The following HTT-AS variants were observed in gnomAD, a reference collection of about 807,000 sequenced individuals.
HTT-AS encodes HTT antisense RNA (head to head).
intron 1 of HTT-AS, among the ~76,000 whole-genome samples, chr4:3,070,403 G>A (rs1232039021): frequency 6.6e-6 from 1 of 151,594 alleles, no homozygotes; most frequent in African/African-American, 2.4e-5. Flanking sequence ...CGATTCTCCT[G>A]CCTCAGCCTC....
chr4:3,072,461 C>T (rs962171401), intron 1 of HTT-AS, among the ~76,000 whole-genome samples: 3 of 152,198 alleles, frequency 2.0e-5, no homozygotes, highest in African/African-American at 7.2e-5. Flanking sequence ...AGAAGCAGGC[C>T]ACCAGGTACA....
At chr4:3,072,841 TG>T (rs1192947111) in intron 1 of HTT-AS, among the ~76,000 whole-genome samples, 2 of 152,234 alleles carry the variant, frequency 1.3e-5, no homozygotes, top group African/African-American at 2.4e-5. Flanking sequence ...TTGGCCAGGC[TG>T]GTCTCGAACT....
intron 1 of HTT-AS, among the ~76,000 whole-genome samples, chr4:3,065,397 T>C (rs907242583): frequency 6.6e-6 from 1 of 151,146 alleles, no homozygotes; most frequent in African/African-American, 2.5e-5. Flanking sequence ...CGCACCACCA[T>C]GCCCGGCTAA....
At chr4:3,068,653 CTT>C (rs563024282) in intron 1 of HTT-AS, among the ~76,000 whole-genome samples, 10 of 139,104 alleles carry the variant, frequency 7.2e-5, no homozygotes, top group African/African-American at 8.2e-5. Context: ...GTGTGTGTAG[CTT>C]TTTTTTTTTT....
chr4:3,061,753 G>A (rs547958378), intron 2 of HTT-AS, among the ~76,000 whole-genome samples: 52 of 150,938 alleles, frequency 3.4e-4, no homozygotes, highest in Non-Finnish European at 5.6e-4. Context: ...AAGCCGAGGC[G>A]GGCAGGTCAC....
intron 2 of HTT-AS, among the ~76,000 whole-genome samples, chr4:3,055,308 A>C (rs1578465389): frequency 6.6e-6 from 1 of 152,024 alleles, no homozygotes; most frequent in African/African-American, 2.4e-5. Context: ...AAAAAAAAAA[A>C]AGTCTCAAAC....
chr4:3,062,060 G>C (rs1009646413), intron 2 of HTT-AS, among the ~76,000 whole-genome samples: 2 of 148,178 alleles, frequency 1.3e-5, no homozygotes, highest in African/African-American at 5.0e-5. Flanking sequence ...GGATGACTTT[G>C]AATGGAATGG....
chr4:3,071,213 G>A (rs956493078), intron 1 of HTT-AS, among the ~76,000 whole-genome samples: 3 of 152,162 alleles, frequency 2.0e-5, no homozygotes, highest in Admixed American at 1.3e-4. Flanking sequence ...CAGCTCAGAC[G>A]GAAGTGTATT....
chr4:3,056,152 C>A (rs1038080723), intron 2 of HTT-AS, among the ~76,000 whole-genome samples: 2 of 152,158 alleles, frequency 1.3e-5, no homozygotes, highest in Admixed American at 1.3e-4. Context: ...TCATTAGAAG[C>A]TTTACTTTGG....
chr4:3,074,285 G>T (rs1302259401), intron 1 of HTT-AS: 1 of 50,072 alleles, frequency 2.0e-5, no homozygotes, highest in Non-Finnish European at 3.7e-5. Context: ...GCCCCGCCCC[G>T]GCCTCGCCAC....
At chr4:3,046,979 C>G (rs1419148038), downstream of HTT-AS, among the ~76,000 whole-genome samples, 1 of 152,150 alleles carries the variant, frequency 6.6e-6, no homozygotes, top group Non-Finnish European at 1.5e-5. Flanking sequence ...AGGGCACAAG[C>G]TGTTCCAGTA....
chr4:3,055,475 T>G (rs1711789721), intron 2 of HTT-AS, among the ~76,000 whole-genome samples: 1 of 152,132 alleles, frequency 6.6e-6, no homozygotes, highest in African/African-American at 2.4e-5. Context: ...CCTATCTCCT[T>G]TGGATTGCGA....
At chr4:3,049,422 TC>T (rs1223734212) in exon 3 of HTT-AS, among the ~76,000 whole-genome samples, 1 of 150,436 alleles carries the variant, frequency 6.6e-6, no homozygotes, top group East Asian at 1.9e-4. Flanking sequence ...AGACTCCATC[TC>T]CAAAAAAGAA....
chr4:3,071,926 T>C (rs1465377529), intron 1 of HTT-AS, among the ~76,000 whole-genome samples: 1 of 152,234 alleles, frequency 6.6e-6, no homozygotes. Flanking sequence ...GATACATTTC[T>C]GTTGTTTAAG....
chr4:3,063,344 CT>C (rs1231712906), exon 2 of HTT-AS: 2 of 152,478 alleles, frequency 1.3e-5, no homozygotes, highest in East Asian at 3.9e-4. Flanking sequence ...TTGCTCAGGG[CT>C]GCCTGGTTCT....
At chr4:3,064,598 A>G (rs1228211091) in intron 1 of HTT-AS, among the ~76,000 whole-genome samples, 3 of 152,368 alleles carry the variant, frequency 2.0e-5, no homozygotes, top group Admixed American at 6.5e-5. Flanking sequence ...ATAATTTATC[A>G]AAACTAACCA....
intron 1 of HTT-AS, among the ~76,000 whole-genome samples, chr4:3,065,326 C>A (rs1254387636): frequency 1.3e-5 from 2 of 151,932 alleles, no homozygotes; most frequent in Non-Finnish European, 2.9e-5. Flanking sequence ...GCACGCCCCC[C>A]GCCTCCCAGG....
At chr4:3,070,001 C>T (rs192411757) in intron 1 of HTT-AS, 1 of 152,498 alleles carries the variant, frequency 6.6e-6, no homozygotes, top group East Asian at 1.9e-4. Flanking sequence ...GGGGCTGCTC[C>T]CGCTTACTGC....
intron 1 of HTT-AS, among the ~76,000 whole-genome samples, chr4:3,069,435 T>C (rs112906962): frequency 0.093 from 14,057 of 151,822 alleles, 1,035 homozygotes; most frequent in African/African-American, 0.21. Flanking sequence ...GGATTACAGG[T>C]GTGAGCCATC....
Sources: allele counts gnomAD v4.1 joint callset (sites outside exome capture counted in the v4.1 genomes callset), GRCh38; gene constraint gnomAD v4.1.1; transcripts MANE v1.5; gene names NCBI Gene and HGNC (gene_info 2026-07-23, HGNC 2026-07-21).